WDR72: variants seen among roughly 807,000 people sequenced by gnomAD.
WDR72 encodes WD repeat-containing protein 72.
A neutral mutation model predicts 124.2 loss-of-function variants in WDR72; 120 were observed. The observed-to-expected ratio is 0.97, with a 90% CI of 0.83 to 1.12. The LOEUF (loss-of-function observed/expected upper bound fraction) is 1.12, where lower values mean the gene tolerates loss of function less well. Ranked by LOEUF, WDR72 falls within the 50% of genes most tolerant of loss-of-function variation. The pLI, the probability that WDR72 is intolerant of heterozygous loss-of-function variation, is 0.00. For missense variants in WDR72, 1,387 were observed against 1,278.8 expected, an observed-to-expected ratio of 1.08 and a Z score of -1.29; for synonymous variants, 452 against 441.7, an observed-to-expected ratio of 1.02 and a Z score of -0.29.
chr15:53,659,311 G>A (rs775531561), intron 14 of WDR72, among the ~76,000 whole-genome samples: 19 of 152,126 alleles, frequency 1.2e-4, no homozygotes, highest in Non-Finnish European at 2.5e-4. Flanking sequence ...TTTGTCACAC[G>A]AGTCAGAACA....
intron 18 of WDR72, among the ~76,000 whole-genome samples, chr15:53,575,518 G>A (rs1196643470): frequency 6.6e-6 from 1 of 151,980 alleles, no homozygotes; most frequent in Non-Finnish European, 1.5e-5. Context: ...ATGAACTGAA[G>A]GTTTAAAAGT....
intron 18 of WDR72, among the ~76,000 whole-genome samples, chr15:53,563,716 G>C (rs1894202306): frequency 6.6e-6 from 1 of 151,654 alleles, no homozygotes; most frequent in African/African-American, 2.4e-5. Flanking sequence ...GCAGAATGTT[G>C]GTTGGATGAC....
chr15:53,537,359 CAACA>C (rs1488553798), intron 18 of WDR72, among the ~76,000 whole-genome samples: 3 of 152,094 alleles, frequency 2.0e-5, no homozygotes, highest in African/African-American at 7.2e-5. Flanking sequence ...GTGTTTCCTT[CAACA>C]AACATTGTTC....
At chr15:53,674,963 C>T (rs1269316594) in intron 13 of WDR72, among the ~76,000 whole-genome samples, 1 of 152,018 alleles carries the variant, frequency 6.6e-6, no homozygotes, top group Non-Finnish European at 1.5e-5. Flanking sequence ...AGGATTGAAA[C>T]ACCTGGAGGT....
chr15:53,658,164 G>T (rs2015491989), intron 14 of WDR72, among the ~76,000 whole-genome samples: 1 of 152,142 alleles, frequency 6.6e-6, no homozygotes, highest in African/African-American at 2.4e-5. Context: ...TATATCTGTA[G>T]TCCTGGGAAA....
In WDR72 at chr15:53,564,255, A is replaced by G. The variant is rs180699227; in HGVS notation, c.3148+32824T>C. Among the ~76,000 whole-genome samples, 378 of 151,934 alleles carry G rather than the reference A, an allele frequency of 2.5e-3. 3 individuals are homozygous for G. Among genetic ancestry groups the G allele is most frequent in the Admixed American group, 0.012 (179 of 15,210 alleles). On this transcript the variant is annotated intron_variant, in intron 18 of 19. Transcript: ENST00000360509. ...TCTGATAATTGATTTTTTTGGAGGC[A>G]AATTTATATGAGGAATAGTTATATA...
At chr15:53,551,839 CGACTTAGAATACACA>C (rs925341658) in intron 18 of WDR72, among the ~76,000 whole-genome samples, 1 of 151,772 alleles carries the variant, frequency 6.6e-6, no homozygotes, top group African/African-American at 2.4e-5. Context: ...ATATGGAAGA[CGACTTAGAATACACA>C]GACACACACA....
intron 14 of WDR72, among the ~76,000 whole-genome samples, chr15:53,630,066 C>T (rs1408854569): frequency 7.4e-6 from 1 of 134,998 alleles, no homozygotes; most frequent in Non-Finnish European, 1.5e-5. Flanking sequence ...TTAAAAAGAT[C>T]TCAGAGAAAT....
chr15:53,561,085 T>A (rs1212771873), intron 18 of WDR72, among the ~76,000 whole-genome samples: 2 of 108,688 alleles, frequency 1.8e-5, no homozygotes, highest in East Asian at 5.2e-4. Context: ...ATTATTTGAT[T>A]TTGAGTATCA....
Position 53,514,042 on chromosome 15 carries a change from G to A in WDR72, c.*3657C>T, listed in dbSNP as rs1156658177. ...CAAACTACAGTGCGAGGTGATCTGGGGACTATTGTACATGAAGCCATGCAG... is the reference window on the plus strand; with the variant it reads ...CAAACTACAGTGCGAGGTGATCTGGAGACTATTGTACATGAAGCCATGCAG... On this transcript the variant is annotated 3_prime_UTR_variant, in exon 20 of 20. Coordinates refer to ENST00000360509, the MANE Select transcript of WDR72 (RefSeq NM_182758.4). The A allele has an allele frequency of 6.6e-6, 1 of 152,044 alleles. No individual in the cohort carries two copies. Among genetic ancestry groups the A allele is most frequent in the Non-Finnish European group, 1.5e-5 (1 of 68,004 alleles). 9.4% of individuals were successfully genotyped at this position (152,044 alleles called of 1,614,324 possible).
intron 13 of WDR72, among the ~76,000 whole-genome samples, chr15:53,699,148 A>T (rs1317823947): frequency 1.3e-5 from 2 of 152,216 alleles, no homozygotes. Context: ...ACTCACGTTC[A>T]TTAATTACCT....
chr15:53,617,035 A>G (rs1297674808), intron 14 of WDR72, among the ~76,000 whole-genome samples: 1 of 151,978 alleles, frequency 6.6e-6, no homozygotes, highest in Non-Finnish European at 1.5e-5. Flanking sequence ...GCTTCTATAC[A>G]GCATTATCAA....
rs527801063 is a variant in WDR72 at position 53,638,067 on chromosome 15, T to G, written c.1963-21824A>C. ...GGAAAATGAATGCATGAAATAGTAC[T>G]GACCAATGAAAGCAGCATTTTTTTC... On this transcript the variant is annotated intron_variant, in intron 14 of 19. Coordinates refer to ENST00000360509, the MANE Select transcript of WDR72 (RefSeq NM_182758.4). Among the ~76,000 whole-genome samples, 3 of 152,344 alleles carry G rather than the reference T, an allele frequency of 2.0e-5. No homozygotes were observed. In the South Asian group the frequency reaches 6.2e-4, roughly 32 times the overall value.
At chr15:53,642,763 G>T (rs968804442) in intron 14 of WDR72, among the ~76,000 whole-genome samples, 1 of 151,962 alleles carries the variant, frequency 6.6e-6, no homozygotes, top group Non-Finnish European at 1.5e-5. Context: ...TTCAAATTTT[G>T]CCCCTTCAAA....
In WDR72 at chr15:53,554,777, C is replaced by T. The variant is rs78946828; in HGVS notation, c.3149-31455G>A. 3.0e-4 allele frequency among the ~76,000 whole-genome samples: 45 copies of T among 152,122 alleles called. 1 individual carries two copies. The East Asian group carries it at 6.8e-3, about 23-fold the overall frequency. ...TGTTTTGTGGAGCACTTCTTTGTCC[C>T]GTCTACACACTTCACATTTATTTTT... On this transcript the variant is annotated intron_variant, in intron 18 of 19. Coordinates refer to ENST00000360509, the MANE Select transcript of WDR72 (RefSeq NM_182758.4).
Position 53,660,081 on chromosome 15 carries a change from A to G in WDR72, c.1962+5491T>C, listed in dbSNP as rs143532545. ...TGATATAGAATATTTTCCACACTAG[A>G]AAAATAGTTCTATGCTGCTTATTTT... On this transcript the variant is annotated intron_variant, in intron 14 of 19. Coordinates refer to ENST00000360509, the MANE Select transcript of WDR72 (RefSeq NM_182758.4). Among the ~76,000 whole-genome samples, 610 of 152,098 alleles carry G rather than the reference A, an allele frequency of 4.0e-3. 4 individuals are homozygous for G. Among genetic ancestry groups the G allele is most frequent in the African/African-American group, 0.014 (591 of 41,564 alleles).
chr15:53,570,318 GAATAC>G (rs1894469627), intron 18 of WDR72, among the ~76,000 whole-genome samples: 1 of 149,814 alleles, frequency 6.7e-6, no homozygotes, highest in African/African-American at 2.5e-5. Context: ...CAATTTTCAA[GAATAC>G]AATACATTGT....
chr15:53,531,226 TA>T (rs1490803140), intron 18 of WDR72, among the ~76,000 whole-genome samples: 1 of 152,042 alleles, frequency 6.6e-6, no homozygotes, highest in Non-Finnish European at 1.5e-5. Flanking sequence ...GTTAGCTACT[TA>T]AAAACATATT....
intron 17 of WDR72, 137 bp from the exon 18 acceptor site, chr15:53,597,411 C>G: frequency 2.5e-6 from 2 of 815,550 alleles, no homozygotes; most frequent in Non-Finnish European, 3.8e-6. Flanking sequence ...CTAGAATTAG[C>G]ATCCACAACA....
Sources: gnomAD v4.1 joint callset for allele counts (sites outside exome capture counted in the v4.1 genomes callset) on GRCh38, gnomAD v4.1.1 for gene constraint, MANE v1.5 for transcripts, NCBI Gene and HGNC (gene_info 2026-07-23, HGNC 2026-07-21) for gene names.